The following SEC31B variants were observed in gnomAD, a reference collection of about 807,000 sequenced individuals.
SEC31B encodes the protein SEC31 homolog B, COPII component.
Under a neutral mutation model 135.0 loss-of-function variants are expected in SEC31B, and 113 were observed. The observed-to-expected ratio is 0.84, with a 90% CI of 0.72 to 0.98. SEC31B has a LOEUF of 0.98. Among genes scored for constraint, SEC31B ranks in the 50% least tolerant of loss-of-function variants. The pLI, the probability that SEC31B is intolerant of heterozygous loss-of-function variation, is 0.00. For synonymous variants in SEC31B, 508 were observed against 549.4 expected, an observed-to-expected ratio of 0.92 and a Z score of 1.05; for missense variants, 1,296 against 1,421.1, an observed-to-expected ratio of 0.91 and a Z score of 1.42.
intron 14 of SEC31B, 51 bp from the exon 15 acceptor site, chr10:100,498,258 C>A (rs747207000): frequency 1.3e-6 from 2 of 1,587,372 alleles, no homozygotes; most frequent in East Asian, 4.5e-5. Context: ...ACCCCAACTT[C>A]CTGCCCCCTG....
In SEC31B at chr10:100,518,817, A is replaced by C. The variant is rs112045558; in HGVS notation, c.-46+965T>G. On this transcript the variant is annotated intron_variant, in intron 1 of 25. Transcript: ENST00000370345. ...TCTAAGGTACTTTCTAGCGTGAAGA[A>C]AGTTTAAGCCTGCCCATTAAGCCAA... Among the ~76,000 whole-genome samples, 8 of 152,338 alleles carry C rather than the reference A, an allele frequency of 5.3e-5. 1 individual carries two copies. Among genetic ancestry groups the C allele is most frequent in the African/African-American group, 1.9e-4 (8 of 41,568 alleles).
intron 3 of SEC31B, among the ~76,000 whole-genome samples, chr10:100,513,659 G>A (rs1387619124): frequency 2.0e-5 from 3 of 151,406 alleles, no homozygotes; most frequent in South Asian, 2.1e-4. Context: ...TAGTAGAGAC[G>A]GGGTTTCACT....
Position 100,487,803 on chromosome 10 carries a change from G to C in SEC31B, c.3361-8C>G. ...CACGACATGAGGTGAGAGCTGTGGA[G>C]GGAATGACCCTTAGGTTAGTGAGCC... is the stretch of plus-strand genomic sequence containing the variant. On this transcript the variant is annotated splice_region_variant and splice_polypyrimidine_tract_variant and intron_variant, in intron 25 of 25. Transcript: ENST00000370345. 1 of 1,613,770 alleles carries C rather than the reference G, an allele frequency of 6.2e-7. No individual in the cohort carries two copies. Among genetic ancestry groups the C allele is most frequent in the Non-Finnish European group, 8.5e-7 (1 of 1,179,950 alleles).
At position 100,492,208 on chromosome 10, in the gene SEC31B, G is replaced by GA. The variant is rs201257242; in HGVS notation, c.2473-1326dup. Among the ~76,000 whole-genome samples, 1,318 of 152,288 alleles carry GA rather than the reference G, an allele frequency of 8.7e-3. 16 individuals are homozygous for GA. The highest frequency in any genetic ancestry group is 0.029 in the African/African-American group (1,221 of 41,562). On this transcript the variant is annotated intron_variant, in intron 19 of 25. Transcript: ENST00000370345. Reference sequence around the variant, plus strand: ...TCCTCTAAGACTGGAAACAAGGCAAGAACATTCATGTTCACTATTTATTTA... The same window carrying GA: ...TCCTCTAAGACTGGAAACAAGGCAAGAAACATTCATGTTCACTATTTATTTA...
Position 100,516,857 on chromosome 10 carries a change from T to C in SEC31B, c.79+17A>G. On this transcript the variant is annotated intron_variant, in intron 2 of 25. Transcript: ENST00000370345. ...TTATGTACTCCCAGTGGATCCTAAT[T>C]CACAGTGTCACCATACCTGTGGCCA... The C allele has an allele frequency of 6.3e-7, 1 of 1,598,910 alleles. No individual in the cohort carries two copies. Among genetic ancestry groups the C allele is most frequent in the Non-Finnish European group, 8.6e-7 (1 of 1,166,660 alleles).
intron 10 of SEC31B, among the ~76,000 whole-genome samples, chr10:100,503,503 G>C (rs576246229): frequency 6.7e-6 from 1 of 150,196 alleles, no homozygotes; most frequent in Non-Finnish European, 1.5e-5. Context: ...GCGCAATCTC[G>C]GCTCACCGTA....
chr10:100,498,866 C>T, intron 13 of SEC31B, 62 bp from the exon 14 acceptor site: 3 of 1,273,946 alleles, frequency 2.4e-6, no homozygotes, highest in Non-Finnish European at 3.4e-6. Flanking sequence ...AGAGAGCTGG[C>T]TTAGTAGCCC....
chr10:100,492,822 ATACT>A (rs1005024182), intron 19 of SEC31B, among the ~76,000 whole-genome samples: 3 of 152,230 alleles, frequency 2.0e-5, no homozygotes, highest in African/African-American at 4.8e-5. Context: ...AAAAAATTAA[ATACT>A]TAGTAGGCAT....
At chr10:100,516,040 C>G in intron 3 of SEC31B, 56 bp downstream of exon 3, 1 of 1,591,334 alleles carries the variant, frequency 6.3e-7, no homozygotes, top group South Asian at 1.1e-5. Context: ...ACACACTGCT[C>G]CCAGGATTCC....
At chr10:100,502,211 T>C in intron 11 of SEC31B, 43 bp downstream of exon 11, 1 of 1,520,110 alleles carries the variant, frequency 6.6e-7, no homozygotes, top group Non-Finnish European at 9.1e-7. Context: ...AGTTCCAGGC[T>C]TTGGGGAGAC....
At chr10:100,507,388 A>G (rs1352844412) in intron 7 of SEC31B, 37 bp downstream of exon 7, 2 of 1,613,760 alleles carry the variant, frequency 1.2e-6, no homozygotes, top group African/African-American at 2.7e-5. Context: ...TATATCCACC[A>G]TCCCCCCAAG....
chr10:100,489,553 G>A (rs952225627), intron 22 of SEC31B, 150 bp downstream of exon 22: 7 of 1,363,674 alleles, frequency 5.1e-6, no homozygotes, highest in East Asian at 4.7e-5. Flanking sequence ...AAGAGGGAAA[G>A]AGAAAGAAGA....
chr10:100,514,077 C>T (rs1366655326), intron 3 of SEC31B, among the ~76,000 whole-genome samples: 1 of 151,796 alleles, frequency 6.6e-6, no homozygotes, highest in African/African-American at 2.4e-5. Context: ...CCCAGCTACT[C>T]GGGAGGCTGA....
At chr10:100,496,575 A>C in intron 17 of SEC31B, 144 bp from the exon 18 acceptor site, 2 of 816,012 alleles carry the variant, frequency 2.5e-6, no homozygotes, top group Non-Finnish European at 3.8e-6. Context: ...AGATGATGAC[A>C]CGTAAGAACT....
At chr10:100,505,516 C>T in intron 9 of SEC31B, 21 bp from the exon 10 acceptor site, 3 of 1,510,788 alleles carry the variant, frequency 2.0e-6, no homozygotes, top group Non-Finnish European at 1.8e-6. Context: ...AAGACACCTG[C>T]ATCGCCATCC....
At position 100,502,372 on chromosome 10, in the gene SEC31B, A is replaced by G; in HGVS notation, c.1292T>C (p.Leu431Pro). ...ISQVTTESEF[L>P]MRSAELQEAL... The stretch of plus-strand genomic sequence containing the variant: ...CTCCTGCAGCTCAGCTGATCGCATC[A>G]GGAATTCAGATTCTGTGGTGACTTG... The change falls in exon 11 of 26, where the codon CTG (leucine) becomes CCG (proline). Residue 431 changes from leucine (L) to proline (P), a missense_variant. Coordinates refer to ENST00000370345, the MANE Select transcript of SEC31B (RefSeq NM_015490.4). 2 of 1,614,224 alleles carry G rather than the reference A, an allele frequency of 1.2e-6. No homozygotes were observed. Among genetic ancestry groups the G allele is most frequent in the Non-Finnish European group, 1.7e-6 (2 of 1,180,028 alleles).
At position 100,487,412 on chromosome 10, in the gene SEC31B, T is replaced by C; in HGVS notation, c.*204A>G. On this transcript the variant is annotated 3_prime_UTR_variant, in exon 26 of 26. Coordinates refer to ENST00000370345, the MANE Select transcript of SEC31B (RefSeq NM_015490.4). ...CCCTGCCTCCAGGCCTGAGAGTGTC[T>C]TGGACAGATCCTAGAAGGCCAGACA... 5.1e-6 allele frequency: 3 copies of C among 591,272 alleles called. No homozygotes were observed. Among genetic ancestry groups the C allele is most frequent in the Non-Finnish European group, 9.0e-6 (3 of 334,124 alleles). 36.6% of individuals were successfully genotyped at this position (591,272 alleles called of 1,614,324 possible).
chr10:100,507,392 C>T, intron 7 of SEC31B, 33 bp downstream of exon 7: 1 of 1,613,960 alleles, frequency 6.2e-7, no homozygotes, highest in Non-Finnish European at 8.5e-7. Flanking sequence ...TCCACCATCC[C>T]CCCAAGGATA....
At chr10:100,498,630 A>G in intron 14 of SEC31B, 75 bp downstream of exon 14, 1 of 1,028,808 alleles carries the variant, frequency 9.7e-7, no homozygotes, top group East Asian at 2.4e-5. Flanking sequence ...CAAGAAGGGA[A>G]TGTCTCAAGT....
Sources: gnomAD v4.1 joint callset for allele counts (sites outside exome capture counted in the v4.1 genomes callset) on GRCh38, gnomAD v4.1.1 for gene constraint, MANE v1.5 for transcripts, NCBI Gene and HGNC (gene_info 2026-07-23, HGNC 2026-07-21) for gene names.